Variants in SGCZ observed in about 807,000 individuals in gnomAD.
SGCZ encodes the protein zeta-sarcoglycan.
Under a neutral mutation model 41.3 loss-of-function variants are expected in SGCZ, and 40 were observed. The ratio of observed to expected loss-of-function variants is 0.97; its 90% confidence interval spans 0.75 to 1.26. SGCZ has a LOEUF of 1.26. SGCZ is among the 50% of genes most tolerant of loss of function. The pLI, the probability that SGCZ is intolerant of heterozygous loss-of-function variation, is 0.00. For missense variants in SGCZ, 552 were observed against 369.8 expected (o/e 1.49, Z -4.04); for synonymous variants, 206 against 137.5 (o/e 1.50, Z -3.49).
At chr8:14,760,013 TA>T (rs1799811189) in intron 1 of SGCZ, among the ~76,000 whole-genome samples, 1 of 152,226 alleles carries the variant, frequency 6.6e-6, no homozygotes, top group African/African-American at 2.4e-5. Context: ...TTTTAAAAGT[TA>T]ATAACAGAGT....
At chr8:14,855,166 C>T (rs1195647863) in intron 1 of SGCZ, among the ~76,000 whole-genome samples, 2 of 151,970 alleles carry the variant, frequency 1.3e-5, no homozygotes, top group African/African-American at 4.8e-5. Context: ...GATTCTCATG[C>T]CTTAGTCTCC....
chr8:14,514,639 G>C (rs1013870029), intron 2 of SGCZ, among the ~76,000 whole-genome samples: 1 of 148,892 alleles, frequency 6.7e-6, no homozygotes, highest in African/African-American at 2.5e-5. Flanking sequence ...GGGTTTTACA[G>C]CTTAAATATT....
At chr8:14,473,097 A>G (rs1198144860) in intron 2 of SGCZ, among the ~76,000 whole-genome samples, 1 of 152,194 alleles carries the variant, frequency 6.6e-6, no homozygotes, top group African/African-American at 2.4e-5. Flanking sequence ...TAAATAACTA[A>G]CTGGGTCACT....
chr8:14,299,909 G>A (rs1034347874), intron 3 of SGCZ, among the ~76,000 whole-genome samples: 5 of 151,826 alleles, frequency 3.3e-5, no homozygotes, highest in African/African-American at 1.2e-4. Flanking sequence ...CTACTCATCA[G>A]TAATAAGTAC....
chr8:14,384,245 T>A (rs1314577264), intron 2 of SGCZ, among the ~76,000 whole-genome samples: 1 of 152,090 alleles, frequency 6.6e-6, no homozygotes, highest in Non-Finnish European at 1.5e-5. Flanking sequence ...GATAGTTTGC[T>A]GAGAATGATG....
chr8:14,220,790 C>CAAACAAAG (rs1806166804), intron 4 of SGCZ, among the ~76,000 whole-genome samples: 1 of 102,078 alleles, frequency 9.8e-6, no homozygotes, highest in African/African-American at 2.7e-5. Context: ...CTGCCAAAAA[C>CAAACAAAG]AAACAAACAA....
intron 1 of SGCZ, among the ~76,000 whole-genome samples, chr8:15,026,504 A>G (rs1803461811): frequency 6.6e-6 from 1 of 152,240 alleles, no homozygotes; most frequent in Non-Finnish European, 1.5e-5. Context: ...ATAAGGCATA[A>G]AGAAGTTCAA....
chr8:14,800,487 C>G (rs1801287320), intron 1 of SGCZ, among the ~76,000 whole-genome samples: 1 of 152,042 alleles, frequency 6.6e-6, no homozygotes, highest in African/African-American at 2.4e-5. Flanking sequence ...GCATATCCAC[C>G]CAAATCTCAT....
intron 2 of SGCZ, among the ~76,000 whole-genome samples, chr8:14,492,747 G>C (rs1014505437): frequency 6.6e-6 from 1 of 152,094 alleles, no homozygotes; most frequent in East Asian, 1.9e-4. Context: ...GTTCCATTTC[G>C]TGATACTTTA....
At chr8:14,355,284 TA>T (rs1803253644) in intron 2 of SGCZ, among the ~76,000 whole-genome samples, 2 of 152,248 alleles carry the variant, frequency 1.3e-5, no homozygotes, top group South Asian at 4.1e-4. Context: ...TATTTGTATT[TA>T]AAAACTCAAA....
At chr8:14,520,226 A>G (rs990877307) in intron 2 of SGCZ, among the ~76,000 whole-genome samples, 9 of 152,076 alleles carry the variant, frequency 5.9e-5, no homozygotes, top group Non-Finnish European at 7.3e-5. Flanking sequence ...TTTTTTCTCA[A>G]TGAGTACAGA....
intron 1 of SGCZ, among the ~76,000 whole-genome samples, chr8:14,898,959 G>A (rs1369019218): frequency 3.9e-5 from 6 of 152,156 alleles, no homozygotes; most frequent in African/African-American, 1.4e-4. Context: ...CCATGATAGT[G>A]AAGACAATGT....
chr8:14,669,041 AG>A (rs967038548), intron 1 of SGCZ, among the ~76,000 whole-genome samples: 13 of 152,020 alleles, frequency 8.6e-5, no homozygotes, highest in Admixed American at 7.9e-4. Flanking sequence ...TGTGCACTAG[AG>A]GTCCACAACT....
chr8:14,228,656 C>T (rs893798112), intron 4 of SGCZ, among the ~76,000 whole-genome samples: 6 of 151,820 alleles, frequency 4.0e-5, no homozygotes, highest in South Asian at 4.2e-4. Flanking sequence ...GAGATGGGGG[C>T]GGCCTAAGTA....
At chr8:14,208,523 C>T (rs978367052) in intron 4 of SGCZ, among the ~76,000 whole-genome samples, 4 of 152,086 alleles carry the variant, frequency 2.6e-5, no homozygotes, top group Non-Finnish European at 4.4e-5. Flanking sequence ...ACAATTGAAA[C>T]ATGAAAATAC....
intron 2 of SGCZ, among the ~76,000 whole-genome samples, chr8:14,428,295 C>G (rs1007106551): frequency 1.4e-5 from 2 of 143,030 alleles, no homozygotes; most frequent in Middle Eastern, 3.5e-3. Flanking sequence ...ATACATTTAT[C>G]TATGCATTTT....
intron 1 of SGCZ, among the ~76,000 whole-genome samples, chr8:14,947,891 T>C (rs907072160): frequency 2.0e-5 from 3 of 152,196 alleles, no homozygotes; most frequent in Non-Finnish European, 4.4e-5. Context: ...ATTCATCAGA[T>C]TGATTTTTGA....
At chr8:14,467,556 G>A (rs1801087320) in intron 2 of SGCZ, among the ~76,000 whole-genome samples, 1 of 152,080 alleles carries the variant, frequency 6.6e-6, no homozygotes, top group South Asian at 2.1e-4. Flanking sequence ...AGTTGCTACT[G>A]TGCTACGAGG....
chr8:15,082,443 A>AGTTT, intron 1 of SGCZ, among the ~76,000 whole-genome samples: 1 of 149,682 alleles, frequency 6.7e-6, no homozygotes, highest in Admixed American at 6.7e-5. Flanking sequence ...TATATCTCTA[A>AGTTT]GTGTGTGTGT....
Sources: allele counts gnomAD v4.1 joint callset (sites outside exome capture counted in the v4.1 genomes callset), GRCh38; gene constraint gnomAD v4.1.1; transcripts MANE v1.5; gene names NCBI Gene and HGNC (gene_info 2026-07-23, HGNC 2026-07-21).